The following CDH13 variants were observed in gnomAD, a reference collection of about 807,000 sequenced individuals.
The protein encoded by CDH13 is cadherin 13, also known as cadherin-13.
Under a neutral mutation model 63.8 loss-of-function variants are expected in CDH13, and 24 were observed. The observed-to-expected ratio is 0.38, with a 90% CI of 0.27 to 0.53. The LOEUF (loss-of-function observed/expected upper bound fraction) is 0.53. Among genes scored for constraint, CDH13 ranks in the 20% least tolerant of loss-of-function variants. The pLI is 0.85. For synonymous variants in CDH13, 503 were observed against 355.3 expected, an observed-to-expected ratio of 1.42 and a Z score of -4.67; for missense variants, 1,049 against 903.1, an observed-to-expected ratio of 1.16 and a Z score of -2.07.
intron 8 of CDH13, among the ~76,000 whole-genome samples, chr16:83,646,114 C>G (rs552004388): frequency 6.6e-6 from 1 of 152,070 alleles, no homozygotes; most frequent in Non-Finnish European, 1.5e-5. Context: ...TGGGACCATA[C>G]GTGAAAGCCA....
At chr16:82,790,317 C>A (rs950643758) in intron 1 of CDH13, among the ~76,000 whole-genome samples, 6 of 152,030 alleles carry the variant, frequency 3.9e-5, no homozygotes, top group African/African-American at 1.4e-4. Context: ...CACCTGTAAT[C>A]CTAACTACTC....
chr16:83,270,510 C>T (rs1339503050), intron 5 of CDH13, among the ~76,000 whole-genome samples: 1 of 152,146 alleles, frequency 6.6e-6, no homozygotes, highest in Non-Finnish European at 1.5e-5. Context: ...CAGAGAGCAT[C>T]AATTATCAAT....
intron 1 of CDH13, among the ~76,000 whole-genome samples, chr16:82,736,853 G>T (rs756034594): frequency 9.2e-5 from 14 of 152,106 alleles, no homozygotes; most frequent in Non-Finnish European, 1.5e-4. Flanking sequence ...TGGTCAGATG[G>T]CCTCTCTTGG....
At chr16:83,197,134 C>T (rs1297084164) in intron 4 of CDH13, among the ~76,000 whole-genome samples, 1 of 152,128 alleles carries the variant, frequency 6.6e-6, no homozygotes, top group Admixed American at 6.5e-5. Flanking sequence ...TGATACACAG[C>T]AACTTGGAAG....
rs1227422345 is a variant in CDH13, at chr16:82,644,379, T to C, written c.45+17242T>C. ...TGCTCTCCATCACCCCCCTACGGAG[T>C]TCCTTTGATTCTCAGGTCCCTTAAC... On this transcript the variant is annotated intron_variant, in intron 1 of 13. Transcript: ENST00000567109. This position sits in a 1 kb window ranked among gnomAD's most constrained non-coding sequence, Gnocchi z 5.7. 6.6e-6 allele frequency among the ~76,000 whole-genome samples: 1 copy of C among 151,954 alleles called. No homozygotes were observed. Among genetic ancestry groups the C allele is most frequent in the African/African-American group, 2.4e-5 (1 of 41,366 alleles).
rs746970851 is a variant in CDH13, at chr16:83,344,878, C to T, written c.653C>T (p.Thr218Ile). 8.7e-6 allele frequency: 14 copies of T among 1,613,762 alleles called. No homozygotes were observed. The Admixed American group carries it at 2.2e-4, about 25-fold the overall frequency. The change falls in exon 6 of 14, where the codon ACT (threonine) becomes ATT (isoleucine). Residue 218 changes from threonine to isoleucine, a missense_variant. Thr to Ile is a moderately conservative substitution (Grantham distance 89). Transcript: ENST00000567109. ...CTCAAATAGCTATTTGTGGAGACCA[C>T]TGATGTCAATGGCAAAACTCTCGAG... ...IAVYQLFVET[T>I]DVNGKTLEGP...
At chr16:83,387,505 G>A (rs1292042681) in intron 6 of CDH13, among the ~76,000 whole-genome samples, 1 of 152,072 alleles carries the variant, frequency 6.6e-6, no homozygotes, top group African/African-American at 2.4e-5. Flanking sequence ...TTGTCATCCT[G>A]GACAGTTAAA....
At chr16:82,934,740 G>A (rs932898525) in intron 2 of CDH13, among the ~76,000 whole-genome samples, 3 of 152,160 alleles carry the variant, frequency 2.0e-5, no homozygotes, top group Admixed American at 1.3e-4. Flanking sequence ...AAGGGCAAGG[G>A]CAAAATGCCA....
chr16:83,278,777 G>A (rs967129256), intron 5 of CDH13, among the ~76,000 whole-genome samples: 6 of 152,162 alleles, frequency 3.9e-5, no homozygotes, highest in Admixed American at 6.5e-5. Flanking sequence ...CATCTGATTC[G>A]CATTCTGTGA....
chr16:83,763,271 A>G (rs1470355484), intron 11 of CDH13, among the ~76,000 whole-genome samples: 1 of 152,208 alleles, frequency 6.6e-6, no homozygotes, highest in Admixed American at 6.5e-5. Flanking sequence ...AATGGAATAG[A>G]CTAAGATAAT....
chr16:82,842,041 C>T (rs1443965097), intron 1 of CDH13, among the ~76,000 whole-genome samples: 1 of 145,536 alleles, frequency 6.9e-6, no homozygotes, highest in Non-Finnish European at 1.5e-5. Flanking sequence ...AGAAGAATTC[C>T]CTCCCTCCCT....
chr16:83,256,304 A>G (rs189642345), intron 5 of CDH13, among the ~76,000 whole-genome samples: 281 of 152,224 alleles, frequency 1.8e-3, no homozygotes, highest in African/African-American at 6.4e-3. Flanking sequence ...AAGTGCTGGG[A>G]TTACGAGCAT....
intron 2 of CDH13, among the ~76,000 whole-genome samples, chr16:82,947,983 C>A (rs969120907): frequency 6.6e-6 from 1 of 152,116 alleles, no homozygotes; most frequent in East Asian, 1.9e-4. Flanking sequence ...ATATTGAATT[C>A]ATTTGGCATT....
chr16:83,080,871 G>GTTTTTT (rs71148809), intron 3 of CDH13, among the ~76,000 whole-genome samples: 808 of 46,930 alleles, frequency 0.017, 167 homozygotes, highest in East Asian at 0.044. Flanking sequence ...TTGTTTTTGT[G>GTTTTTT]TTTTTTTTTT....
intron 11 of CDH13, among the ~76,000 whole-genome samples, chr16:83,776,901 C>T (rs759007384): frequency 6.6e-6 from 1 of 152,188 alleles, no homozygotes; most frequent in Non-Finnish European, 1.5e-5. Context: ...AGTTTCAAAG[C>T]CATCTATGTG....
At chr16:83,509,056 A>G (rs998601320) in intron 7 of CDH13, among the ~76,000 whole-genome samples, 1 of 152,122 alleles carries the variant, frequency 6.6e-6, no homozygotes, top group Non-Finnish European at 1.5e-5. Context: ...CTCCCTTCTC[A>G]TTCCTCTATT....
intron 8 of CDH13, among the ~76,000 whole-genome samples, chr16:83,666,209 T>C (rs577716797): frequency 1.3e-5 from 2 of 152,258 alleles, no homozygotes; most frequent in Admixed American, 1.3e-4. Flanking sequence ...TGAGCATTGC[T>C]ATAGAAATGT....
intron 1 of CDH13, among the ~76,000 whole-genome samples, chr16:82,789,040 G>C (rs2036160624): frequency 1.3e-5 from 2 of 152,166 alleles, no homozygotes; most frequent in African/African-American, 4.8e-5. Context: ...AGGTTGCTCT[G>C]ATTGTTTCTT....
intron 1 of CDH13, among the ~76,000 whole-genome samples, chr16:82,675,232 A>G (rs1289627765): frequency 6.6e-6 from 1 of 152,188 alleles, no homozygotes; most frequent in Non-Finnish European, 1.5e-5. Context: ...GACATTAGGC[A>G]TTGTGGCATC....
Sources: allele counts gnomAD v4.1 joint callset (sites outside exome capture counted in the v4.1 genomes callset), GRCh38; gene constraint gnomAD v4.1.1; non-coding constraint Gnocchi (gnomAD v3.1); transcripts MANE v1.5; gene names NCBI Gene and HGNC (gene_info 2026-07-23, HGNC 2026-07-21).